The following ATP7A variants were observed in gnomAD, a reference collection of about 807,000 sequenced individuals.
ATP7A encodes the protein copper-transporting ATPase 1.
Under a neutral mutation model 83.5 loss-of-function variants are expected in ATP7A, and 7 were observed. The observed-to-expected ratio is 0.08, with a 90% confidence interval of 0.05 to 0.16. ATP7A has a LOEUF of 0.16. ATP7A is among the 10% of genes least tolerant of loss of function. The pLI is 1.00. For missense variants in ATP7A, 940 were observed against 1,120.8 expected, an observed-to-expected ratio of 0.84 and a Z score of 2.30; for synonymous variants, 354 against 395.2, an observed-to-expected ratio of 0.90 and a Z score of 1.24.
At chrX:77,980,724 A>C (rs1383602986) in intron 2 of ATP7A, among the ~76,000 whole-genome samples, 1 of 110,743 alleles carries the variant, frequency 9.0e-6, no homozygotes, top group Non-Finnish European at 1.9e-5. Flanking sequence ...GCTGGAGTGC[A>C]GTGGTGCGAT....
intron 1 of ATP7A, among the ~76,000 whole-genome samples, chrX:77,915,331 A>G (rs2149038752): frequency 9.2e-6 from 1 of 108,271 alleles, no homozygotes; most frequent in Admixed American, 1.0e-4. Context: ...TTGTCCGGAA[A>G]AAAAAAAAAA....
chrX:77,981,690 A>C (rs1385812924), intron 2 of ATP7A, among the ~76,000 whole-genome samples: 1 of 111,561 alleles, frequency 9.0e-6, no homozygotes, highest in African/African-American at 3.3e-5. Flanking sequence ...AATATATTAG[A>C]AATGAGAATT....
chrX:78,036,652 G>A (rs1412373786), intron 17 of ATP7A, among the ~76,000 whole-genome samples: 2 of 111,357 alleles, frequency 1.8e-5, no homozygotes, highest in East Asian at 2.8e-4. Flanking sequence ...AGGCTGAGGC[G>A]GGTGGATCAC....
chrX:78,010,190 A>G (rs1557234254), intron 7 of ATP7A, among the ~76,000 whole-genome samples: 3 of 112,367 alleles, frequency 2.7e-5, no homozygotes, highest in East Asian at 5.6e-4. Flanking sequence ...TCAACCCTTA[A>G]TTCCCACAGC....
At chrX:77,999,856 A>C (rs1202783885) in intron 5 of ATP7A, among the ~76,000 whole-genome samples, 2 of 105,651 alleles carry the variant, frequency 1.9e-5, no homozygotes, top group African/African-American at 7.0e-5. Context: ...GTGAGCTGAG[A>C]TCGTGCCAGC....
chrX:77,929,193 A>G (rs2077258969), intron 1 of ATP7A, among the ~76,000 whole-genome samples: 1 of 112,004 alleles, frequency 8.9e-6, no homozygotes, highest in African/African-American at 3.2e-5. Flanking sequence ...ATTCAGGCTG[A>G]CATTCTGCCA....
chrX:78,031,856 G>A (rs112417232), intron 16 of ATP7A, among the ~76,000 whole-genome samples: 89 of 111,937 alleles, frequency 8.0e-4, no homozygotes, highest in African/African-American at 2.8e-3. Flanking sequence ...GGACAATTCA[G>A]ATAGTTCAGA....
intron 1 of ATP7A, among the ~76,000 whole-genome samples, chrX:77,919,573 C>T (rs1476762488): frequency 7.1e-5 from 8 of 112,587 alleles, no homozygotes; most frequent in Non-Finnish European, 1.5e-4. Context: ...TCACTGCAGC[C>T]TCCGCCTCCC....
chrX:77,918,615 G>T (rs2077196055), intron 1 of ATP7A, among the ~76,000 whole-genome samples: 1 of 111,194 alleles, frequency 9.0e-6, no homozygotes. Context: ...GAGACATGTA[G>T]CAGAGAGAAG....
At chrX:77,957,535 C>T (rs1331253151) in intron 1 of ATP7A, among the ~76,000 whole-genome samples, 1 of 108,719 alleles carries the variant, frequency 9.2e-6, no homozygotes, top group East Asian at 3.0e-4. Context: ...TGGATATTAA[C>T]CCCTTGATAA....
chrX:77,989,621 A>G lies in ATP7A; in HGVS notation c.999A>G (p.Lys333=). 8.3e-7 allele frequency: 1 copy of G among 1,211,919 alleles called. No homozygotes were observed. Among genetic ancestry groups the G allele is most frequent in the Non-Finnish European group, 1.1e-6 (1 of 895,433 alleles). Residue 333 remains lysine (K), a synonymous_variant, in exon 4 of 23, where the codon AAA becomes AAG. Coordinates refer to ENST00000341514, the MANE Select transcript of ATP7A (RefSeq NM_000052.7). ...CAGTCACTCCAGAATCCCTGAGAAA[A>G]GCAATAGAGGCTGTATCACCGGGGC... ...ASSVTPESLR[K]AIEAVSPGLY...
intron 1 of ATP7A, among the ~76,000 whole-genome samples, chrX:77,911,203 C>T (rs1242696113): frequency 3.6e-5 from 4 of 112,308 alleles, no homozygotes; most frequent in African/African-American, 1.3e-4. Flanking sequence ...GCTAAGGTTA[C>T]TAAAATGACC....
chrX:77,944,160 A>C (rs1283714064), intron 1 of ATP7A, among the ~76,000 whole-genome samples: 46 of 112,510 alleles, frequency 4.1e-4, no homozygotes, highest in Middle Eastern at 4.7e-3. Context: ...TTTGTATTTA[A>C]ATTTCTCAAA....
chrX:77,955,793 C>T (rs2077437893), intron 1 of ATP7A, among the ~76,000 whole-genome samples: 1 of 109,988 alleles, frequency 9.1e-6, no homozygotes, highest in South Asian at 3.9e-4. Context: ...AGACTCTTTC[C>T]ATCCTTCCCT....
chrX:78,033,961 A>G (rs1004589904), intron 17 of ATP7A, 140 bp downstream of exon 17: 4 of 568,887 alleles, frequency 7.0e-6, no homozygotes, highest in Non-Finnish European at 1.2e-5. Context: ...ATGCCTTCTG[A>G]TCATTTAAAT....
chrX:78,018,109 G>A (rs1170676305), intron 12 of ATP7A, among the ~76,000 whole-genome samples: 1 of 108,539 alleles, frequency 9.2e-6, no homozygotes, highest in Non-Finnish European at 1.9e-5. Context: ...ATAGCATGAG[G>A]GACCTTTACT....
chrX:78,016,961 A>T (rs1557235234), intron 12 of ATP7A, among the ~76,000 whole-genome samples: 2 of 112,266 alleles, frequency 1.8e-5, no homozygotes. Context: ...TCACAGCTCC[A>T]CTAGGCAGTG....
intron 9 of ATP7A, among the ~76,000 whole-genome samples, chrX:78,012,590 TAAA>T (rs782360257): frequency 4.9e-5 from 4 of 81,319 alleles, no homozygotes; most frequent in Non-Finnish European, 4.7e-5. Context: ...GACTGTCTCT[TAAA>T]AAAAAAAAAA....
intron 4 of ATP7A, among the ~76,000 whole-genome samples, chrX:77,997,936 A>T (rs1374478322): frequency 2.7e-5 from 3 of 110,644 alleles, no homozygotes; most frequent in Non-Finnish European, 5.7e-5. Flanking sequence ...CTGTCATTCT[A>T]TTCCTGCCTT....
Sources: gnomAD v4.1 joint callset for allele counts (sites outside exome capture counted in the v4.1 genomes callset) on GRCh38, gnomAD v4.1.1 for gene constraint, MANE v1.5 for transcripts, NCBI Gene and HGNC (gene_info 2026-07-23, HGNC 2026-07-21) for gene names.